The following ARAP2 variants were observed in gnomAD, a reference collection of about 807,000 sequenced individuals.
ARAP2 encodes the protein arf-GAP with Rho-GAP domain, ANK repeat and PH domain-containing protein 2.
A neutral mutation model predicts 194.5 loss-of-function variants in ARAP2; 148 were observed. The ratio of observed to expected loss-of-function variants is 0.76; its 90% confidence interval spans 0.67 to 0.87. ARAP2 has a LOEUF of 0.87. Ranked by LOEUF, ARAP2 falls within the 40% of genes least tolerant of loss-of-function variation. The pLI is 0.00. For synonymous variants in ARAP2, 695 were observed against 683.5 expected, an observed-to-expected ratio of 1.02 and a Z score of -0.26; for missense variants, 2,128 against 1,989.7, an observed-to-expected ratio of 1.07 and a Z score of -1.32.
intron 1 of ARAP2, among the ~76,000 whole-genome samples, chr4:36,235,716 T>C (rs1217906035): frequency 6.6e-6 from 1 of 152,232 alleles, no homozygotes; most frequent in African/African-American, 2.4e-5. Context: ...TTTAAAATGT[T>C]GTCTAAGTAA....
chr4:36,163,446 A>G (rs771776752), intron 11 of ARAP2, among the ~76,000 whole-genome samples: 3 of 152,198 alleles, frequency 2.0e-5, no homozygotes, highest in Non-Finnish European at 4.4e-5. Flanking sequence ...GATTTTTACC[A>G]CAGTTGAGAG....
intron 30 of ARAP2, 91 bp downstream of exon 30, chr4:36,082,160 T>C: frequency 8.2e-7 from 1 of 1,212,496 alleles, no homozygotes; most frequent in Non-Finnish European, 1.2e-6. Flanking sequence ...ACACTTTCCG[T>C]CTGTAGTTCT....
intron 27 of ARAP2, among the ~76,000 whole-genome samples, chr4:36,097,216 C>T (rs2109412289): frequency 6.6e-6 from 1 of 152,084 alleles, no homozygotes; most frequent in South Asian, 2.1e-4. Context: ...GTACAAACCT[C>T]AGCGTGCACC....
chr4:36,216,745 A>T (rs1166930718), intron 2 of ARAP2, among the ~76,000 whole-genome samples: 1 of 152,048 alleles, frequency 6.6e-6, no homozygotes, highest in African/African-American at 2.4e-5. Flanking sequence ...AAAAACTACT[A>T]AAAAAAACTA....
At chr4:36,203,965 A>C (rs1446574364) in intron 6 of ARAP2, among the ~76,000 whole-genome samples, 3 of 152,226 alleles carry the variant, frequency 2.0e-5, no homozygotes, top group Non-Finnish European at 4.4e-5. Flanking sequence ...TTTGTGAAAA[A>C]GTAACACTAT....
chr4:36,215,343 G>C (rs1031072190), intron 2 of ARAP2, among the ~76,000 whole-genome samples: 1 of 152,162 alleles, frequency 6.6e-6, no homozygotes, highest in African/African-American at 2.4e-5. Context: ...GGTGGAAAAA[G>C]AGTAGCCCTT....
Position 36,140,676 on chromosome 4 carries a change from G to A in ARAP2, c.3263+6620C>T, listed in dbSNP as rs902561475. ...GGGGAGAAAAGATCATATGGAATAA[G>A]GTGATAGGAAATAAGGAAAACTAAA... On this transcript the variant is annotated intron_variant, in intron 19 of 32. Transcript: ENST00000303965. 2.0e-5 allele frequency among the ~76,000 whole-genome samples: 3 copies of A among 151,612 alleles called. No individual in the cohort carries two copies. The East Asian group carries it at 5.8e-4, about 29-fold the overall frequency.
chr4:36,219,501 A>G (rs1748697239), intron 2 of ARAP2, among the ~76,000 whole-genome samples: 1 of 152,236 alleles, frequency 6.6e-6, no homozygotes, highest in Admixed American at 6.5e-5. Flanking sequence ...TGATTCAGGA[A>G]GTAGGGAATT....
In ARAP2 at chr4:36,066,466, A is replaced by G. The variant is rs537114063; in HGVS notation, c.*1441T>C. ...CCAAAATACAAATGATCCGTATTTT[A>G]CAATGAAGAAATTCATAGCATCTAC... On this transcript the variant is annotated 3_prime_UTR_variant, in exon 33 of 33. Coordinates refer to ENST00000303965, the MANE Select transcript of ARAP2 (RefSeq NM_015230.4). 6.6e-6 allele frequency: 1 copy of G among 152,256 alleles called. No homozygotes were observed. Among genetic ancestry groups the G allele is most frequent in the Non-Finnish European group, 1.5e-5 (1 of 68,006 alleles). 9.4% of individuals were successfully genotyped at this position (152,256 alleles called of 1,614,324 possible).
chr4:36,051,516 T>C (rs1339104755), intron 3 of ARAP2, among the ~76,000 whole-genome samples: 5 of 151,708 alleles, frequency 3.3e-5, no homozygotes, highest in African/African-American at 1.2e-4. Context: ...ATAATAATAA[T>C]AAATAAATAC....
Position 36,165,032 on chromosome 4 carries a change from A to C in ARAP2, c.2055T>G (p.Tyr685Ter). 6.2e-7 allele frequency: 1 copy of C among 1,614,114 alleles called. No homozygotes were observed. The highest frequency in any genetic ancestry group is 8.5e-7 in the Non-Finnish European group (1 of 1,179,950). Reference protein sequence around the residue: ...QQSIAETLSDYEVAEKIWFNE... With the variant: ...QQSIAETLSD Reference sequence around the variant, plus strand: ...TGAACCAAATCTTCTCAGCTACTTCATAATCAGAGAGAGTTTCTGCTATTG... The same window carrying C: ...TGAACCAAATCTTCTCAGCTACTTCCTAATCAGAGAGAGTTTCTGCTATTG... Residue 685 changes from tyrosine (Y) to a stop codon, truncating the protein, a stop_gained, in exon 11 of 33, where the codon TAT becomes TAG. Coordinates refer to ENST00000303965, the MANE Select transcript of ARAP2 (RefSeq NM_015230.4). LOFTEE classifies it high-confidence loss of function.
chr4:36,058,760 G>T (rs1055602569), intron 1 of ARAP2, among the ~76,000 whole-genome samples: 1 of 152,174 alleles, frequency 6.6e-6, no homozygotes, highest in African/African-American at 2.4e-5. Flanking sequence ...GTTAATCTAA[G>T]ACTTTGCATT....
chr4:36,185,071 G>A (rs1010139451), intron 8 of ARAP2, among the ~76,000 whole-genome samples: 5 of 152,080 alleles, frequency 3.3e-5, no homozygotes, highest in African/African-American at 4.8e-5. Flanking sequence ...AGGCTTTACC[G>A]GCCACAGTCT....
chr4:36,069,182 T>C (rs1726225828), intron 32 of ARAP2, among the ~76,000 whole-genome samples: 1 of 152,144 alleles, frequency 6.6e-6, no homozygotes, highest in Non-Finnish European at 1.5e-5. Flanking sequence ...TCTCAGTAGA[T>C]CCAAACATAA....
chr4:36,233,754 T>C (rs1751949432), intron 1 of ARAP2, among the ~76,000 whole-genome samples: 1 of 152,272 alleles, frequency 6.6e-6, no homozygotes, highest in Admixed American at 6.5e-5. Flanking sequence ...TAGCACGTAC[T>C]GATGCTTAGT....
intron 15 of ARAP2, 90 bp downstream of exon 15, chr4:36,158,640 A>C: frequency 8.8e-7 from 1 of 1,132,350 alleles, no homozygotes; most frequent in Non-Finnish European, 1.2e-6. Context: ...CAAATCTAAC[A>C]TCTCAAAAAA....
intron 5 of ARAP2, among the ~76,000 whole-genome samples, chr4:36,036,299 T>A (rs1380147122): frequency 1.3e-5 from 2 of 152,138 alleles, no homozygotes; most frequent in African/African-American, 4.8e-5. Flanking sequence ...AATCTTCTAA[T>A]CCATGGACGT....
intron 3 of ARAP2, among the ~76,000 whole-genome samples, chr4:36,049,102 G>C (rs541867633): frequency 4.0e-5 from 6 of 151,694 alleles, no homozygotes; most frequent in Non-Finnish European, 8.8e-5. Context: ...TGTGGCCTTT[G>C]TAGTTCCACA....
At chr4:36,075,707 T>A (rs1324674596) in intron 31 of ARAP2, among the ~76,000 whole-genome samples, 1 of 152,180 alleles carries the variant, frequency 6.6e-6, no homozygotes, top group Non-Finnish European at 1.5e-5. Flanking sequence ...TGATTACTTA[T>A]TTATTTTCTT....
Sources: gnomAD v4.1 joint callset for allele counts (sites outside exome capture counted in the v4.1 genomes callset) on GRCh38, gnomAD v4.1.1 for gene constraint, MANE v1.5 for transcripts, NCBI Gene and HGNC (gene_info 2026-07-23, HGNC 2026-07-21) for gene names.